The following DLC1 variants were observed in gnomAD, a reference collection of about 807,000 sequenced individuals.
The protein encoded by DLC1 is rho GTPase-activating protein 7.
In DLC1, 54 loss-of-function variants were observed where a neutral mutation model predicts 140.3. The observed-to-expected ratio is 0.38, with a 90% CI of 0.31 to 0.48. The LOEUF (loss-of-function observed/expected upper bound fraction) is 0.48, where lower values mean the gene tolerates loss of function less well. Ranked by LOEUF, DLC1 falls within the 20% of genes least tolerant of loss-of-function variation. The pLI, the probability that DLC1 is intolerant of heterozygous loss-of-function variation, is 0.96. For synonymous variants in DLC1, 986 were observed against 728.1 expected (o/e 1.35, Z -5.70); for missense variants, 2,536 against 1,907.0 (o/e 1.33, Z -6.14).
chr8:13,446,857 G>T (rs746938465), intron 2 of DLC1, among the ~76,000 whole-genome samples: 13 of 151,790 alleles, frequency 8.6e-5, no homozygotes, highest in Admixed American at 3.9e-4. Context: ...CAGAAGAATC[G>T]CTTGAACCCG....
intron 2 of DLC1, among the ~76,000 whole-genome samples, chr8:13,403,936 G>T (rs1355524947): frequency 2.0e-5 from 3 of 150,528 alleles, no homozygotes; most frequent in Non-Finnish European, 4.4e-5. Flanking sequence ...TGGGATTACA[G>T]GTTTCTTAAT....
At chr8:13,324,498 T>C (rs10088526) in intron 4 of DLC1, among the ~76,000 whole-genome samples, 141,546 of 150,120 alleles carry the variant, frequency 0.94, 67,035 homozygotes, top group East Asian at 1. Flanking sequence ...AACCTGGGAG[T>C]GGAGCTTGCA....
chr8:13,499,336 C>G lies in DLC1; in HGVS notation c.736G>C (p.Glu246Gln). ...RKPDPPKDEN[E>Q]RSTCNVVQNE... ...TGTACTACATTGCAGGTGCTTCTTTCATTTTCATCTTTAGGGGGGTCAGGT... is the reference window on the plus strand; with the variant it reads ...TGTACTACATTGCAGGTGCTTCTTTGATTTTCATCTTTAGGGGGGTCAGGT... Residue 246 changes from glutamate (E) to glutamine (Q), a missense_variant, in exon 2 of 18, where the codon GAA becomes CAA. Physicochemically the swap from Glu to Gln is conservative, Grantham distance 29. Coordinates refer to ENST00000276297, the MANE Select transcript of DLC1 (RefSeq NM_182643.3). 1 of 1,614,020 alleles carries G rather than the reference C, an allele frequency of 6.2e-7. No homozygotes were observed. The highest frequency in any genetic ancestry group is 8.5e-7 in the Non-Finnish European group (1 of 1,180,002).
chr8:13,179,143 T>C (rs1248112657), intron 5 of DLC1, among the ~76,000 whole-genome samples: 1 of 152,134 alleles, frequency 6.6e-6, no homozygotes, highest in Non-Finnish European at 1.5e-5. Context: ...ATTTCATGAG[T>C]ATAACAGTGA....
chr8:13,384,920 T>G (rs374190056), intron 4 of DLC1, among the ~76,000 whole-genome samples: 3 of 150,786 alleles, frequency 2.0e-5, no homozygotes, highest in African/African-American at 7.3e-5. Flanking sequence ...AGGCTGGACA[T>G]AAAAAAAAAA....
intron 5 of DLC1, among the ~76,000 whole-genome samples, chr8:13,270,512 C>T (rs932167640): frequency 2.6e-5 from 4 of 152,172 alleles, no homozygotes; most frequent in Admixed American, 6.5e-5. Flanking sequence ...CAAAGCAGGT[C>T]CCAACGTGCT....
intron 5 of DLC1, among the ~76,000 whole-genome samples, chr8:13,180,113 G>A (rs1250888735): frequency 1.3e-5 from 2 of 152,208 alleles, no homozygotes; most frequent in Non-Finnish European, 2.9e-5. Flanking sequence ...GGTGTTTACA[G>A]ACATTCTTTG....
At chr8:13,576,576 T>A (rs552530871) in intron 1 of DLC1, among the ~76,000 whole-genome samples, 1 of 152,374 alleles carries the variant, frequency 6.6e-6, no homozygotes, top group East Asian at 1.9e-4. Context: ...CGATTGCTAT[T>A]TCTTACAGAT....
chr8:13,116,777 A>G (rs1161511643), intron 5 of DLC1, among the ~76,000 whole-genome samples: 2 of 152,226 alleles, frequency 1.3e-5, no homozygotes, highest in South Asian at 4.1e-4. Flanking sequence ...TGAACACAGG[A>G]AAGAGAAAAA....
chr8:13,161,582 C>A (rs566079076), intron 5 of DLC1, among the ~76,000 whole-genome samples: 1 of 152,294 alleles, frequency 6.6e-6, no homozygotes, highest in Non-Finnish European at 1.5e-5. Flanking sequence ...AACAACCCTC[C>A]TGCTTTAGCC....
At chr8:13,170,350 C>G (rs1309950035) in intron 5 of DLC1, among the ~76,000 whole-genome samples, 2 of 152,164 alleles carry the variant, frequency 1.3e-5, no homozygotes, top group Admixed American at 6.5e-5. Flanking sequence ...TCTTTCATAG[C>G]AACTAGAAAT....
chr8:13,186,837 T>G (rs906336294), intron 5 of DLC1, among the ~76,000 whole-genome samples: 4 of 152,250 alleles, frequency 2.6e-5, no homozygotes, highest in African/African-American at 7.2e-5. Flanking sequence ...GGGGTTTTGA[T>G]GTAGATGAAC....
chr8:13,368,229 A>G (rs1255123597), intron 4 of DLC1, among the ~76,000 whole-genome samples: 6 of 152,212 alleles, frequency 3.9e-5, no homozygotes, highest in Non-Finnish European at 7.3e-5. Context: ...CTCAAACTTG[A>G]TAAAGGGCCC....
At chr8:13,453,556 A>T (rs1003819037) in intron 2 of DLC1, among the ~76,000 whole-genome samples, 3,586 of 26,680 alleles carry the variant, frequency 0.13, 469 homozygotes, top group African/African-American at 0.29. Context: ...ATATATATAT[A>T]TTTTTTTTTT....
intron 4 of DLC1, among the ~76,000 whole-genome samples, chr8:13,360,617 A>G (rs189463168): frequency 2.4e-4 from 36 of 152,342 alleles, no homozygotes; most frequent in Admixed American, 7.2e-4. Flanking sequence ...GTTGAGAACC[A>G]CTGAGAATCA....
chr8:13,218,982 C>CTATATAATTATATAATTATATACG (rs374222304), intron 5 of DLC1, among the ~76,000 whole-genome samples: 1 of 48,910 alleles, frequency 2.0e-5, no homozygotes, highest in African/African-American at 8.4e-5. Context: ...ACGTATATAA[C>CTATATAATTATATAATTATATACG]TATATAATTA....
Position 13,573,628 on chromosome 8 carries a change from A to T in DLC1, c.-126+30909T>A, listed in dbSNP as rs561920632. Among the ~76,000 whole-genome samples, 150 of 152,238 alleles carry T rather than the reference A, an allele frequency of 9.9e-4. 1 individual carries two copies. The highest frequency in any genetic ancestry group is 1.9e-3 in the Non-Finnish European group (129 of 67,988). ...TTTCATGTTGGGAAAGTTCTCTGTA[A>T]TTCTTAGTTTATTGAATGTTTGTAT... is the stretch of plus-strand genomic sequence containing the variant. On this transcript the variant is annotated intron_variant, in intron 1 of 1. Coordinates refer to the DLC1 transcript ENST00000631382.
Position 13,390,108 on chromosome 8 carries a change from C to T in DLC1, c.1314+3445G>A, listed in dbSNP as rs140964518. 1.5e-3 allele frequency among the ~76,000 whole-genome samples: 221 copies of T among 152,222 alleles called. 3 individuals carry two copies. Among genetic ancestry groups the T allele is most frequent in the African/African-American group, 3.7e-3 (153 of 41,540 alleles). On this transcript the variant is annotated intron_variant, in intron 4 of 17. Transcript: ENST00000276297. ...TCTCTCATAGACAAAATTCTTCATTCTGATATTCCAACCATAAAATTGATC... is the reference window on the plus strand; with the variant it reads ...TCTCTCATAGACAAAATTCTTCATTTTGATATTCCAACCATAAAATTGATC...
intron 5 of DLC1, among the ~76,000 whole-genome samples, chr8:13,118,004 C>CTTTTTTT (rs35775672): frequency 5.2e-4 from 60 of 114,974 alleles, no homozygotes; most frequent in African/African-American, 1.9e-3. Flanking sequence ...TGTTCTCTTT[C>CTTTTTTT]TTTTTTTTTT....
Sources: allele counts gnomAD v4.1 joint callset (sites outside exome capture counted in the v4.1 genomes callset), GRCh38; gene constraint gnomAD v4.1.1; transcripts MANE v1.5; gene names NCBI Gene and HGNC (gene_info 2026-07-23, HGNC 2026-07-21).